ARMH3: variants seen among roughly 807,000 people sequenced by gnomAD.
ARMH3 encodes the protein armadillo like helical domain containing 3.
In ARMH3, 60 loss-of-function variants were observed where a neutral mutation model predicts 99.1. The observed-to-expected ratio is 0.61, with a 90% CI of 0.49 to 0.75. The LOEUF (loss-of-function observed/expected upper bound fraction) is 0.75, where lower values mean the gene tolerates loss of function less well. Among genes scored for constraint, ARMH3 ranks in the 30% least tolerant of loss-of-function variants. The pLI is 0.00. For synonymous variants in ARMH3, 285 were observed against 292.8 expected (o/e 0.97, Z 0.27); for missense variants, 679 against 843.1 (o/e 0.81, Z 2.41).
intron 24 of ARMH3, among the ~76,000 whole-genome samples, chr10:101,870,575 C>T (rs2067110228): frequency 6.6e-6 from 1 of 151,958 alleles, no homozygotes; most frequent in Admixed American, 6.6e-5. Flanking sequence ...TGAAATTTTC[C>T]CTAATAAAAT....
At chr10:102,052,047 G>C (rs918818001) in intron 1 of ARMH3, among the ~76,000 whole-genome samples, 3 of 152,108 alleles carry the variant, frequency 2.0e-5, no homozygotes, top group African/African-American at 7.2e-5. Context: ...TTCTCAATGA[G>C]CAGGAGATTC....
At chr10:102,045,842 C>T (rs2067536625) in intron 1 of ARMH3, among the ~76,000 whole-genome samples, 1 of 152,074 alleles carries the variant, frequency 6.6e-6, no homozygotes, top group African/African-American at 2.4e-5. Flanking sequence ...CACCTGTAAT[C>T]CCAGCACTTT....
At chr10:102,020,081 ATG>A (rs1351895996) in intron 8 of ARMH3, among the ~76,000 whole-genome samples, 1 of 151,674 alleles carries the variant, frequency 6.6e-6, no homozygotes, top group Admixed American at 6.6e-5. Flanking sequence ...ATATAGTACA[ATG>A]TGTTTGTGTT....
At chr10:101,863,538 T>C (rs1443448042) in intron 24 of ARMH3, among the ~76,000 whole-genome samples, 4 of 152,184 alleles carry the variant, frequency 2.6e-5, no homozygotes, top group Non-Finnish European at 5.9e-5. Flanking sequence ...GGTCCACTTA[T>C]ATGCAAATTT....
At chr10:102,006,481 T>G in intron 14 of ARMH3, 59 bp downstream of exon 14, 1 of 1,548,534 alleles carries the variant, frequency 6.5e-7, no homozygotes, top group Non-Finnish European at 8.9e-7. Flanking sequence ...ACAGCTATGC[T>G]CACTCTGAGA....
chr10:102,012,436 T>G (rs1489731360), intron 10 of ARMH3, among the ~76,000 whole-genome samples: 2 of 152,208 alleles, frequency 1.3e-5, no homozygotes, highest in Admixed American at 6.5e-5. Context: ...CCTAATATAC[T>G]TTCTCCTTTT....
intron 23 of ARMH3, among the ~76,000 whole-genome samples, chr10:101,901,703 T>C (rs906335421): frequency 2.6e-5 from 4 of 151,926 alleles, no homozygotes; most frequent in African/African-American, 7.3e-5. Context: ...GGTGGTAGGG[T>C]TGGCTACAGA....
intron 1 of ARMH3, among the ~76,000 whole-genome samples, chr10:102,054,868 C>G (rs1038228579): frequency 1.3e-5 from 2 of 151,426 alleles, no homozygotes; most frequent in African/African-American, 4.9e-5. Context: ...TGGTAGCTCA[C>G]GTCTGTAATC....
intron 10 of ARMH3, among the ~76,000 whole-genome samples, chr10:102,012,465 CAAAA>C (rs1050535546): frequency 6.6e-6 from 1 of 152,112 alleles, no homozygotes; most frequent in African/African-American, 2.4e-5. Flanking sequence ...TTTAAGATAA[CAAAA>C]AAGCAGTCTC....
chr10:102,037,137 G>C (rs530694829), intron 2 of ARMH3, among the ~76,000 whole-genome samples: 1 of 150,704 alleles, frequency 6.6e-6, no homozygotes, highest in Admixed American at 6.6e-5. Flanking sequence ...CACTAGTTAA[G>C]TCCTGATCTA....
At chr10:101,948,843 A>C in intron 22 of ARMH3, among the ~76,000 whole-genome samples, 1 of 152,238 alleles carries the variant, frequency 6.6e-6, no homozygotes, top group East Asian at 1.9e-4. Context: ...ACTCTGGGCC[A>C]TAAAACATGT....
chr10:101,880,582 G>C (rs1052982269), intron 24 of ARMH3, among the ~76,000 whole-genome samples: 1 of 152,094 alleles, frequency 6.6e-6, no homozygotes, highest in Non-Finnish European at 1.5e-5. Flanking sequence ...CTTCACATTA[G>C]TAGCCATGGT....
intron 19 of ARMH3, among the ~76,000 whole-genome samples, chr10:101,989,251 T>C (rs1846657142): frequency 1.3e-5 from 2 of 152,024 alleles, no homozygotes; most frequent in Non-Finnish European, 2.9e-5. Context: ...AATATGATAA[T>C]GGCTAGGTGT....
At chr10:102,011,862 G>A (rs2066637235) in intron 10 of ARMH3, 79 bp from the exon 11 acceptor site, 2 of 1,146,064 alleles carry the variant, frequency 1.7e-6, no homozygotes, top group East Asian at 2.5e-5. Flanking sequence ...GGTAATCAGG[G>A]CAGAGCACTC....
chr10:101,935,657 T>C (rs1010297062), intron 23 of ARMH3, among the ~76,000 whole-genome samples: 1 of 152,184 alleles, frequency 6.6e-6, no homozygotes, highest in Non-Finnish European at 1.5e-5. Flanking sequence ...CTCACAGCTG[T>C]TTGCTGTCTA....
rs948647050 is a variant in ARMH3, at chr10:101,936,406, C to T, written c.1781+3457G>A. 2.7e-5 allele frequency among the ~76,000 whole-genome samples: 4 copies of T among 149,978 alleles called. 1 individual carries two copies. The Admixed American group carries it at 2.7e-4, about 10-fold the overall frequency. ...ACTCAGGAGGCTGAGGCAGCAGAATCACTTGAACCTAAGAGACAGAGATTG... is the reference window on the plus strand; with the variant it reads ...ACTCAGGAGGCTGAGGCAGCAGAATTACTTGAACCTAAGAGACAGAGATTG... On this transcript the variant is annotated intron_variant, in intron 23 of 25. Coordinates refer to ENST00000370033, the MANE Select transcript of ARMH3 (RefSeq NM_024541.3).
intron 23 of ARMH3, among the ~76,000 whole-genome samples, chr10:101,918,073 G>C (rs909927409): frequency 1.3e-5 from 2 of 152,122 alleles, no homozygotes; most frequent in African/African-American, 4.8e-5. Context: ...TTTTTAGACA[G>C]AGTCTTGCTC....
At position 101,847,604 on chromosome 10, in the gene ARMH3, G is replaced by T; in HGVS notation, c.1994C>A (p.Thr665Asn). 1 of 1,614,162 alleles carries T rather than the reference G, an allele frequency of 6.2e-7. No individual in the cohort carries two copies. Among genetic ancestry groups the T allele is most frequent in the Non-Finnish European group, 8.5e-7 (1 of 1,180,008 alleles). Reference protein sequence around the residue: ...FFKELVRSISTNVRRNLAFHT... With the variant: ...FFKELVRSISNNVRRNLAFHT... ...GAAGGCCAGGTTTCTCCGGACGTTG[G>T]TGCTAATGGATCGAACCTGGGAAAG... Residue 665 changes from threonine (T) to asparagine (N), a missense_variant, in exon 26 of 26, where the codon ACC becomes AAC. Around this residue, in one of 3 missense-constraint regions of ARMH3, gnomAD observed 389 missense variants for 456.5 expected, o/e 0.85. Transcript: ENST00000370033.
intron 24 of ARMH3, among the ~76,000 whole-genome samples, chr10:101,855,606 C>A (rs184987442): frequency 0.011 from 1,624 of 150,890 alleles, 15 homozygotes; most frequent in Middle Eastern, 0.031. Flanking sequence ...GGTACAGTGG[C>A]ATAATCACAG....
Sources: allele counts gnomAD v4.1 joint callset (sites outside exome capture counted in the v4.1 genomes callset), GRCh38; gene constraint gnomAD v4.1.1; regional missense constraint gnomAD v4.1.1; transcripts MANE v1.5; gene names NCBI Gene and HGNC (gene_info 2026-07-23, HGNC 2026-07-21).